Variants in TRPA1 observed in about 807,000 individuals in gnomAD.
The protein encoded by TRPA1 is ankyrin-like with transmembrane domains 1.
A neutral mutation model predicts 131.3 loss-of-function variants in TRPA1; 129 were observed. That is an observed-to-expected ratio of 0.98 (90% CI 0.85 to 1.14). The LOEUF (loss-of-function observed/expected upper bound fraction) is 1.14, where lower values mean the gene tolerates loss of function less well. Among genes scored for constraint, TRPA1 ranks in the 50% most tolerant of loss-of-function variants. The pLI, the probability that TRPA1 is intolerant of heterozygous loss-of-function variation, is 0.00. For missense variants in TRPA1, 1,304 were observed against 1,354.2 expected (o/e 0.96, Z 0.58); for synonymous variants, 441 against 451.7 (o/e 0.98, Z 0.30).
intron 8 of TRPA1, among the ~76,000 whole-genome samples, 168 bp from the exon 9 acceptor site, chr8:72,057,984 T>A (rs749141188): frequency 6.6e-6 from 1 of 152,206 alleles, no homozygotes; most frequent in Non-Finnish European, 1.5e-5. Context: ...ATAGTTCATA[T>A]GTTGTATCAT....
At chr8:72,050,692 A>G (rs959686282) in intron 15 of TRPA1, 86 bp downstream of exon 15, 1 of 945,236 alleles carries the variant, frequency 1.1e-6, no homozygotes, top group Non-Finnish European at 1.7e-6. Flanking sequence ...CTTTGTTTAA[A>G]GCTGGAAATT....
chr8:72,036,005 C>CAAAA (rs58197251), intron 21 of TRPA1, among the ~76,000 whole-genome samples: 117 of 44,878 alleles, frequency 2.6e-3, no homozygotes, highest in East Asian at 5.0e-3. Context: ...TCCCCCTCCA[C>CAAAA]AAAAAAAAAA....
In TRPA1 at chr8:72,056,655, C is replaced by T. The variant is rs150180431; in HGVS notation, c.1194+262G>A. On this transcript the variant is annotated intron_variant, in intron 10 of 26. Transcript: ENST00000262209. ...AAATCAAACTAATTAAGGATGTTAT[C>T]TTTATCATAGATGACTGCATATTAA... Among the ~76,000 whole-genome samples, 76 of 152,172 alleles carry T rather than the reference C, an allele frequency of 5.0e-4. No individual in the cohort carries two copies. In the East Asian group the frequency reaches 0.013, roughly 27 times the overall value.
rs979625576 is a variant in TRPA1, at chr8:72,075,564, G to A, written c.-155C>T. Reference sequence around the variant, plus strand: ...CAGGCAGCGAAAAAGTCGCTCTGCGGAAGCCCTGGAGAACTTCTGGAAGGA... The same window carrying A: ...CAGGCAGCGAAAAAGTCGCTCTGCGAAAGCCCTGGAGAACTTCTGGAAGGA... On this transcript the variant is annotated 5_prime_UTR_variant, in exon 1 of 27. Coordinates refer to ENST00000262209, the MANE Select transcript of TRPA1 (RefSeq NM_007332.3). 76 of 674,368 alleles carry A rather than the reference G, an allele frequency of 1.1e-4. No individual in the cohort carries two copies. The East Asian group carries it at 2.0e-3, about 18-fold the overall frequency. The allele number at this position is 674,368 out of a possible 1,614,324, so 41.8% of individuals were successfully genotyped here.
chr8:72,026,943 C>T (rs910205762), intron 24 of TRPA1, among the ~76,000 whole-genome samples: 1 of 152,166 alleles, frequency 6.6e-6, no homozygotes, highest in East Asian at 1.9e-4. Flanking sequence ...AAATGACTTT[C>T]CCCCATGTGG....
At chr8:72,056,274 T>G (rs1381598116) in intron 10 of TRPA1, 2 of 204,686 alleles carry the variant, frequency 9.8e-6, no homozygotes, top group Non-Finnish European at 2.0e-5. Flanking sequence ...ATTAGGTTTA[T>G]TTTATGTTTT....
At chr8:72,042,932 A>G (rs1226410803) in intron 17 of TRPA1, among the ~76,000 whole-genome samples, 2 of 151,916 alleles carry the variant, frequency 1.3e-5, no homozygotes, top group East Asian at 1.9e-4. Context: ...TTACTGTTTA[A>G]TAAGTATAGA....
chr8:72,071,673 G>A, intron 2 of TRPA1, 38 bp downstream of exon 2: 4 of 1,605,912 alleles, frequency 2.5e-6, no homozygotes. Flanking sequence ...TGAATGGGAT[G>A]AATGATTTCT....
intron 15 of TRPA1, 84 bp downstream of exon 15, chr8:72,050,694 C>G (rs988521702): frequency 1.0e-6 from 1 of 957,814 alleles, no homozygotes; most frequent in African/African-American, 1.6e-5. Context: ...TTGTTTAAAG[C>G]TGGAAATTAT....
intron 14 of TRPA1, 150 bp from the exon 15 acceptor site, chr8:72,051,021 C>A: frequency 1.6e-6 from 1 of 613,968 alleles, no homozygotes; most frequent in Non-Finnish European, 2.9e-6. Flanking sequence ...ATGGAACCAA[C>A]ATGTAAAGCA....
intron 7 of TRPA1, among the ~76,000 whole-genome samples, chr8:72,060,642 T>C (rs893689748): frequency 6.6e-6 from 1 of 152,164 alleles, no homozygotes; most frequent in Non-Finnish European, 1.5e-5. Flanking sequence ...ATCTTTATTT[T>C]AAAATTCTTT....
intron 24 of TRPA1, among the ~76,000 whole-genome samples, chr8:72,027,373 T>C (rs1219980504): frequency 6.6e-6 from 1 of 152,160 alleles, no homozygotes; most frequent in Non-Finnish European, 1.5e-5. Context: ...TCAGGGAGCA[T>C]CTTTACCTCC....
intron 14 of TRPA1, among the ~76,000 whole-genome samples, chr8:72,051,624 A>C (rs1178938671): frequency 6.6e-6 from 1 of 152,234 alleles, no homozygotes; most frequent in African/African-American, 2.4e-5. Context: ...TAGACTGCCC[A>C]TGCTCAAAAA....
At chr8:72,027,758 CAG>C (rs1811658791) in intron 24 of TRPA1, among the ~76,000 whole-genome samples, 1 of 152,158 alleles carries the variant, frequency 6.6e-6, no homozygotes, top group African/African-American at 2.4e-5. Context: ...AGAATGGATG[CAG>C]AGAGTTGCTT....
chr8:72,057,066 C>A (rs1805685681), intron 9 of TRPA1, 49 bp from the exon 10 acceptor site: 5 of 1,424,396 alleles, frequency 3.5e-6, no homozygotes, highest in Non-Finnish European at 4.8e-6. Flanking sequence ...TTATTTAAAG[C>A]AATGTTTACG....
At chr8:72,063,079 T>C (rs1430513372) in intron 5 of TRPA1, 135 bp from the exon 6 acceptor site, 28 of 930,938 alleles carry the variant, frequency 3.0e-5, no homozygotes, top group Non-Finnish European at 4.3e-5. Context: ...TGTTTAATTC[T>C]GTTAAATATT....
rs370314944 is a variant in TRPA1, at chr8:72,029,892, T to G, written c.2937+9A>C. 104 of 1,613,412 alleles carry G rather than the reference T, an allele frequency of 6.4e-5. No homozygotes were observed. The highest frequency in any genetic ancestry group is 8.2e-5 in the Non-Finnish European group (97 of 1,179,464). On this transcript the variant is annotated intron_variant, in intron 24 of 26. Coordinates refer to ENST00000262209, the MANE Select transcript of TRPA1 (RefSeq NM_007332.3). ...AACACTGTAATAAGTGGGGAGGCAC[T>G]GCACTTACCTGCATAGCTATCCTCT... is the stretch of plus-strand genomic sequence containing the variant.
the TRPA1 span, among the ~76,000 whole-genome samples, chr8:72,087,995 C>G: frequency 1.3e-5 from 2 of 152,186 alleles, no homozygotes; most frequent in Non-Finnish European, 2.9e-5. Flanking sequence ...GCCTCAGGGC[C>G]CACTTGCCCA....
At chr8:72,031,933 G>C (rs1011982340) in intron 23 of TRPA1, among the ~76,000 whole-genome samples, 8 of 152,186 alleles carry the variant, frequency 5.3e-5, no homozygotes, top group Non-Finnish European at 2.9e-5. Context: ...TAATTGGAGA[G>C]GGGTGGTGGT....
Sources: gnomAD v4.1 joint callset for allele counts (sites outside exome capture counted in the v4.1 genomes callset) on GRCh38, gnomAD v4.1.1 for gene constraint, MANE v1.5 for transcripts, NCBI Gene and HGNC (gene_info 2026-07-23, HGNC 2026-07-21) for gene names.